Variants in PLPPR1 observed in about 807,000 individuals in gnomAD.
The protein encoded by PLPPR1 is phospholipid phosphatase-related protein type 1.
In PLPPR1, 10 loss-of-function variants were observed where a neutral mutation model predicts 33.1. The ratio of observed to expected loss-of-function variants is 0.30; its 90% CI spans 0.19 to 0.51. PLPPR1 has a LOEUF of 0.51. Ranked by LOEUF, PLPPR1 falls within the 20% of genes least tolerant of loss-of-function variation. PLPPR1 has a pLI of 0.97. For missense variants in PLPPR1, 304 were observed against 408.1 expected, an observed-to-expected ratio of 0.74 and a Z score of 2.20; for synonymous variants, 151 against 151.0, an observed-to-expected ratio of 1.00 and a Z score of 0.00.
intron 2 of PLPPR1, among the ~76,000 whole-genome samples, chr9:101,211,076 G>A (rs1826682092): frequency 6.6e-6 from 1 of 152,080 alleles, no homozygotes; most frequent in African/African-American, 2.4e-5. Flanking sequence ...CTATAATTAT[G>A]GTTTTATTGC....
At position 101,155,405 on chromosome 9, in the gene PLPPR1, C is replaced by T. The variant is rs1056347154; in HGVS notation, c.-45-30045C>T. 4.6e-5 allele frequency among the ~76,000 whole-genome samples: 7 copies of T among 152,178 alleles called. No individual in the cohort carries two copies. In the East Asian group the frequency reaches 7.7e-4, roughly 17 times the overall value. On this transcript the variant is annotated intron_variant, in intron 1 of 7. Coordinates refer to ENST00000374874, the MANE Select transcript of PLPPR1 (RefSeq NM_207299.2). Reference sequence around the variant, plus strand: ...GGTGAGAGCCTTCTTGCTGTGTCATCGCATGAGGAAGGGCAAGCAAGCATA... The same window carrying T: ...GGTGAGAGCCTTCTTGCTGTGTCATTGCATGAGGAAGGGCAAGCAAGCATA...
At chr9:101,058,667 T>C (rs770286854) in intron 1 of PLPPR1, among the ~76,000 whole-genome samples, 2 of 152,200 alleles carry the variant, frequency 1.3e-5, no homozygotes, top group African/African-American at 2.4e-5. Flanking sequence ...ATTATTTTTT[T>C]CTAATTTTCT....
intron 1 of PLPPR1, among the ~76,000 whole-genome samples, chr9:101,094,325 T>C (rs914211742): frequency 9.2e-5 from 14 of 152,174 alleles, no homozygotes; most frequent in African/African-American, 3.1e-4. Context: ...TCCCTGATTG[T>C]ATTACCCTCC....
chr9:101,302,245 C>T (rs1294148974), intron 4 of PLPPR1, among the ~76,000 whole-genome samples: 1 of 152,192 alleles, frequency 6.6e-6, no homozygotes, highest in African/African-American at 2.4e-5. Context: ...TTTGTATGTA[C>T]TAAGCACAGC....
chr9:101,170,365 G>A (rs191940892), intron 1 of PLPPR1, among the ~76,000 whole-genome samples: 15 of 152,190 alleles, frequency 9.9e-5, no homozygotes. Context: ...AATTAAAGAG[G>A]AAGCAAGACA....
intron 1 of PLPPR1, among the ~76,000 whole-genome samples, chr9:101,046,501 A>C (rs577741835): frequency 4.1e-4 from 56 of 135,182 alleles, no homozygotes; most frequent in African/African-American, 1.3e-3. Context: ...GTGCAGTGGC[A>C]CGATCTCAGC....
At chr9:101,314,490 A>G (rs1158736233) in intron 6 of PLPPR1, among the ~76,000 whole-genome samples, 2 of 152,218 alleles carry the variant, frequency 1.3e-5, no homozygotes, top group East Asian at 3.8e-4. Context: ...GACCATTGCA[A>G]CAGTGAATAT....
At chr9:101,298,790 A>G (rs775730764) in intron 4 of PLPPR1, among the ~76,000 whole-genome samples, 1 of 152,238 alleles carries the variant, frequency 6.6e-6, no homozygotes, top group Non-Finnish European at 1.5e-5. Flanking sequence ...ACTAAACAAA[A>G]TAAATTATAA....
At chr9:101,200,621 AT>A (rs1164256786) in intron 2 of PLPPR1, among the ~76,000 whole-genome samples, 1 of 152,206 alleles carries the variant, frequency 6.6e-6, no homozygotes, top group East Asian at 1.9e-4. Context: ...AGACAATTTC[AT>A]TTTGTTTATT....
At chr9:101,270,137 C>G in intron 3 of PLPPR1, 69 bp downstream of exon 3, 2 of 1,510,308 alleles carry the variant, frequency 1.3e-6, no homozygotes, top group Non-Finnish European at 1.8e-6. Flanking sequence ...TGCTTTTTCT[C>G]CTCTTTCTTC....
At chr9:101,263,047 T>C (rs1453516895) in intron 2 of PLPPR1, among the ~76,000 whole-genome samples, 1 of 152,084 alleles carries the variant, frequency 6.6e-6, no homozygotes, top group Non-Finnish European at 1.5e-5. Flanking sequence ...GAGAAATACC[T>C]AATGTACATG....
chr9:101,266,938 G>T (rs1828009362), intron 2 of PLPPR1, among the ~76,000 whole-genome samples: 1 of 152,142 alleles, frequency 6.6e-6, no homozygotes, highest in African/African-American at 2.4e-5. Flanking sequence ...GAGGAAGCTA[G>T]ATGTCATTTT....
At chr9:101,095,794 G>A (rs1830809438) in intron 1 of PLPPR1, among the ~76,000 whole-genome samples, 2 of 152,142 alleles carry the variant, frequency 1.3e-5, no homozygotes, top group African/African-American at 4.8e-5. Flanking sequence ...ACACAGAGAA[G>A]TATTTCTGGG....
chr9:101,113,232 G>A (rs1831079053), intron 1 of PLPPR1, among the ~76,000 whole-genome samples: 1 of 149,868 alleles, frequency 6.7e-6, no homozygotes, highest in Non-Finnish European at 1.5e-5. Context: ...AACCCTGGAG[G>A]ATGTTTTAGT....
Position 101,155,486 on chromosome 9 carries a change from G to A in PLPPR1, c.-45-29964G>A, listed in dbSNP as rs144570861. ...ATCCTTTTACCAGGAACCCGCACCCGTGACAACAGCATTAATCCATTCACA... is the reference window on the plus strand; with the variant it reads ...ATCCTTTTACCAGGAACCCGCACCCATGACAACAGCATTAATCCATTCACA... On this transcript the variant is annotated intron_variant, in intron 1 of 7. Transcript: ENST00000374874. Among the ~76,000 whole-genome samples, 423 of 152,226 alleles carry A rather than the reference G, an allele frequency of 2.8e-3. 5 individuals are homozygous for A. Among genetic ancestry groups the A allele is most frequent in the African/African-American group, 9.7e-3 (402 of 41,552 alleles).
chr9:101,130,807 G>C (rs1831305313), intron 1 of PLPPR1, among the ~76,000 whole-genome samples: 1 of 152,216 alleles, frequency 6.6e-6, no homozygotes, highest in South Asian at 2.1e-4. Flanking sequence ...TACAGAGAAA[G>C]TGTATCAGGT....
At chr9:101,110,705 A>G (rs570965025) in intron 1 of PLPPR1, among the ~76,000 whole-genome samples, 1 of 152,112 alleles carries the variant, frequency 6.6e-6, no homozygotes, top group Admixed American at 6.5e-5. Flanking sequence ...TAATTTCTGG[A>G]CGAATAAGAA....
intron 7 of PLPPR1, among the ~76,000 whole-genome samples, chr9:101,320,808 A>G (rs933022408): frequency 1.7e-4 from 26 of 152,214 alleles, no homozygotes; most frequent in Admixed American, 6.5e-5. Flanking sequence ...TATTTTATAG[A>G]TGAAGAAAGT....
rs150768238 is a variant in PLPPR1 at position 101,322,889 on chromosome 9, C to A, written c.946-1136C>A. Among the ~76,000 whole-genome samples, 580 of 152,162 alleles carry A rather than the reference C, an allele frequency of 3.8e-3. 13 individuals are homozygous for A. The highest frequency in any genetic ancestry group is 9.9e-4 in the Non-Finnish European group (67 of 68,004). ...AAACATTATGAAAATGCATCGTATA[C>A]AAGACCATGATACAAGTCTCAAGAA... On this transcript the variant is annotated intron_variant, in intron 7 of 7. Transcript: ENST00000374874.
Sources: gnomAD v4.1 joint callset for allele counts (sites outside exome capture counted in the v4.1 genomes callset) on GRCh38, gnomAD v4.1.1 for gene constraint, MANE v1.5 for transcripts, NCBI Gene and HGNC (gene_info 2026-07-23, HGNC 2026-07-21) for gene names.